The following GALNTL6 variants were observed in gnomAD, a reference collection of about 807,000 sequenced individuals.
GALNTL6 encodes polypeptide N-acetylgalactosaminyltransferase-like 6.
A neutral mutation model predicts 73.7 loss-of-function variants in GALNTL6; 46 were observed. The observed-to-expected ratio is 0.62, with a 90% CI of 0.49 to 0.80. The LOEUF is 0.80. Among genes scored for constraint, GALNTL6 ranks in the 30% least tolerant of loss-of-function variants. The pLI is 0.00. For missense variants in GALNTL6, 604 were observed against 755.0 expected, an observed-to-expected ratio of 0.80 and a Z score of 2.34; for synonymous variants, 259 against 263.7, an observed-to-expected ratio of 0.98 and a Z score of 0.17.
At chr4:172,033,927 T>G (rs1741847014) in intron 2 of GALNTL6, among the ~76,000 whole-genome samples, 1 of 152,148 alleles carries the variant, frequency 6.6e-6, no homozygotes, top group Admixed American at 6.6e-5. Flanking sequence ...AATAACACTT[T>G]TATTGCACTA....
At chr4:172,148,319 G>A (rs541375397) in intron 2 of GALNTL6, among the ~76,000 whole-genome samples, 2 of 152,222 alleles carry the variant, frequency 1.3e-5, no homozygotes, top group East Asian at 3.9e-4. Flanking sequence ...TTACACACTA[G>A]AGATCCATTA....
At chr4:172,484,677 A>C (rs539654405) in intron 5 of GALNTL6, among the ~76,000 whole-genome samples, 2 of 152,336 alleles carry the variant, frequency 1.3e-5, no homozygotes, top group Non-Finnish European at 2.9e-5. Flanking sequence ...AGACAGAAGT[A>C]AATGTTTCTA....
At chr4:172,984,399 A>G (rs761729575) in intron 10 of GALNTL6, among the ~76,000 whole-genome samples, 6 of 152,196 alleles carry the variant, frequency 3.9e-5, no homozygotes, top group Non-Finnish European at 7.3e-5. Context: ...TAACAAGAAC[A>G]GCCTGGGGGA....
At chr4:172,479,137 G>C (rs1302113421) in intron 5 of GALNTL6, among the ~76,000 whole-genome samples, 1 of 152,168 alleles carries the variant, frequency 6.6e-6, no homozygotes. Context: ...TAGCTCTACT[G>C]TTCCATCCGG....
At chr4:172,173,940 G>C (rs1262044678) in intron 2 of GALNTL6, among the ~76,000 whole-genome samples, 1 of 151,936 alleles carries the variant, frequency 6.6e-6, no homozygotes, top group Non-Finnish European at 1.5e-5. Flanking sequence ...AGGGGTGCCA[G>C]TGGAGAGGAG....
chr4:171,907,064 A>T (rs1389162702), intron 2 of GALNTL6, among the ~76,000 whole-genome samples: 6 of 152,122 alleles, frequency 3.9e-5, no homozygotes, highest in Non-Finnish European at 8.8e-5. Flanking sequence ...AACTGGAAGC[A>T]TTCCTTTTGA....
chr4:172,049,530 CCATATAAT>C (rs1560900284), intron 2 of GALNTL6, among the ~76,000 whole-genome samples: 1 of 152,068 alleles, frequency 6.6e-6, no homozygotes, highest in Non-Finnish European at 1.5e-5. Flanking sequence ...CAGTAACAAG[CCATATAAT>C]CATAGAATTG....
chr4:172,935,226 C>G (rs1280248697), intron 9 of GALNTL6, among the ~76,000 whole-genome samples: 1 of 152,176 alleles, frequency 6.6e-6, no homozygotes, highest in East Asian at 1.9e-4. Context: ...CTCGCCAATA[C>G]AAGACAAGGT....
intron 9 of GALNTL6, among the ~76,000 whole-genome samples, chr4:172,942,965 G>A (rs1164246414): frequency 6.6e-6 from 1 of 151,978 alleles, no homozygotes; most frequent in Non-Finnish European, 1.5e-5. Context: ...CTTTTCCAGG[G>A]TTTCAAAAAA....
chr4:171,975,319 A>G (rs1221015824), intron 2 of GALNTL6, among the ~76,000 whole-genome samples: 1 of 152,108 alleles, frequency 6.6e-6, no homozygotes, highest in Non-Finnish European at 1.5e-5. Context: ...GCTCTACCCT[A>G]CTTATCATAA....
chr4:172,444,853 G>GA (rs559488658), intron 5 of GALNTL6, among the ~76,000 whole-genome samples: 4 of 150,064 alleles, frequency 2.7e-5, no homozygotes, highest in South Asian at 2.1e-4. Flanking sequence ...TTAGAATGAG[G>GA]AAAAAAAAAC....
At chr4:172,688,549 C>G (rs1215523183) in intron 5 of GALNTL6, among the ~76,000 whole-genome samples, 3 of 152,186 alleles carry the variant, frequency 2.0e-5, no homozygotes, top group Non-Finnish European at 4.4e-5. Context: ...TTTCAATATT[C>G]CGCCCATAAT....
chr4:172,240,869 T>G (rs910454280), intron 3 of GALNTL6, among the ~76,000 whole-genome samples: 1 of 152,202 alleles, frequency 6.6e-6, no homozygotes, highest in African/African-American at 2.4e-5. Flanking sequence ...GAATCCTTGC[T>G]GGGAAACTTA....
chr4:172,191,414 G>A (rs981864572), intron 2 of GALNTL6, among the ~76,000 whole-genome samples: 1 of 152,120 alleles, frequency 6.6e-6, no homozygotes, highest in African/African-American at 2.4e-5. Context: ...GGTAGCCATA[G>A]GGATCTATGT....
intron 3 of GALNTL6, among the ~76,000 whole-genome samples, chr4:172,265,000 G>T (rs1738403463): frequency 6.6e-6 from 1 of 151,788 alleles, no homozygotes; most frequent in Non-Finnish European, 1.5e-5. Context: ...ATGCCAAAAA[G>T]CTGGTATTGT....
chr4:173,033,114 C>T (rs1244446496), intron 12 of GALNTL6, among the ~76,000 whole-genome samples: 1 of 152,110 alleles, frequency 6.6e-6, no homozygotes, highest in East Asian at 1.9e-4. Flanking sequence ...GATTCTGGTG[C>T]CTCAGCTTCC....
At chr4:172,476,917 AGAGACTTTTTTTTTTTTTTTTTTTT>A (rs1733255033) in intron 5 of GALNTL6, among the ~76,000 whole-genome samples, 1 of 142,072 alleles carries the variant, frequency 7.0e-6, no homozygotes, top group Non-Finnish European at 1.5e-5. Context: ...ATATGGCTTA[AGAGACTTTTTTTTTTTTTTTTTTTT>A]GAGACAGAGT....
intron 2 of GALNTL6, among the ~76,000 whole-genome samples, chr4:171,970,760 A>C (rs1046165577): frequency 2.3e-4 from 35 of 152,220 alleles, no homozygotes; most frequent in African/African-American, 8.0e-4. Context: ...ATAAGATTTT[A>C]ATTGCAAAAA....
At chr4:172,913,577 G>A (rs961873987) in intron 8 of GALNTL6, among the ~76,000 whole-genome samples, 8 of 152,108 alleles carry the variant, frequency 5.3e-5, no homozygotes, top group African/African-American at 1.7e-4. Context: ...ACCATGGCAC[G>A]AGAACTACGT....
Sources: allele counts gnomAD v4.1 joint callset (sites outside exome capture counted in the v4.1 genomes callset), GRCh38; gene constraint gnomAD v4.1.1; transcripts MANE v1.5; gene names NCBI Gene and HGNC (gene_info 2026-07-23, HGNC 2026-07-21).